CPED1: variants seen among roughly 807,000 people sequenced by gnomAD.
CPED1 encodes cadherin-like and PC-esterase domain-containing protein 1.
Under a neutral mutation model 128.2 loss-of-function variants are expected in CPED1, and 114 were observed. The ratio of observed to expected loss-of-function variants is 0.89; its 90% CI spans 0.76 to 1.04. CPED1 has a LOEUF of 1.04. Ranked by LOEUF, CPED1 falls within the 50% of genes least tolerant of loss-of-function variation. The pLI is 0.00. For missense variants in CPED1, 1,211 were observed against 1,207.1 expected (o/e 1.00, Z -0.05); for synonymous variants, 462 against 426.7 (o/e 1.08, Z -1.02).
In CPED1 at chr7:121,009,606, C is replaced by CAAA. The variant is rs372071345; in HGVS notation, c.250-6040_250-6038dup. On this transcript the variant is annotated intron_variant, in intron 2 of 22. Coordinates refer to ENST00000310396, the MANE Select transcript of CPED1 (RefSeq NM_024913.5). ...TGGGTGACAGAGCCAGCCCCTGTCTCAAAAAAAAAAAAAAAAAAAAAGTTC... is the reference window on the plus strand; with the variant it reads ...TGGGTGACAGAGCCAGCCCCTGTCTCAAAAAAAAAAAAAAAAAAAAAAAAGTTC... 9.3e-4 allele frequency among the ~76,000 whole-genome samples: 84 copies of CAAA among 90,410 alleles called. 2 individuals are homozygous for CAAA. Among genetic ancestry groups the CAAA allele is most frequent in the South Asian group, 2.8e-3 (7 of 2,478 alleles). The allele number at this position is 90,410 out of a possible 152,430, so 59.3% of individuals were successfully genotyped here.
At chr7:121,006,910 C>T (rs1266491783) in intron 2 of CPED1, among the ~76,000 whole-genome samples, 1 of 152,024 alleles carries the variant, frequency 6.6e-6, no homozygotes, top group Non-Finnish European at 1.5e-5. Flanking sequence ...TTAGGAGAAG[C>T]AGAAAAGGGA....
intron 16 of CPED1, among the ~76,000 whole-genome samples, chr7:121,203,654 T>C (rs6947494): frequency 0.61 from 92,516 of 151,936 alleles, 28,579 homozygotes; most frequent in East Asian, 0.88. Flanking sequence ...TCTGTCTTCA[T>C]GGTGCTGAGG....
At chr7:121,256,817 A>G (rs1174565166) in intron 18 of CPED1, among the ~76,000 whole-genome samples, 1 of 152,086 alleles carries the variant, frequency 6.6e-6, no homozygotes, top group Non-Finnish European at 1.5e-5. Context: ...GAATCAACCT[A>G]GGTGCCCTTC....
chr7:121,295,028 G>GGGTA (rs1792794799), intron 22 of CPED1, among the ~76,000 whole-genome samples: 1 of 151,960 alleles, frequency 6.6e-6, no homozygotes, highest in Non-Finnish European at 1.5e-5. Context: ...ATAGAAGAGT[G>GGGTA]CCATGACATG....
chr7:121,072,715 C>T (rs544866937), intron 5 of CPED1, among the ~76,000 whole-genome samples: 5 of 152,222 alleles, frequency 3.3e-5, no homozygotes, highest in South Asian at 2.1e-4. Context: ...AGAAGACACA[C>T]GGCAGTTCAC....
intron 2 of CPED1, 29 bp from the exon 3 acceptor site, chr7:121,015,636 T>C: frequency 1.3e-6 from 2 of 1,573,912 alleles, no homozygotes; most frequent in Non-Finnish European, 1.7e-6. Context: ...TACTTTTTTA[T>C]ATTGAATTTT....
At chr7:121,032,276 G>C (rs879630167) in intron 3 of CPED1, among the ~76,000 whole-genome samples, 2 of 152,100 alleles carry the variant, frequency 1.3e-5, no homozygotes, top group East Asian at 3.8e-4. Flanking sequence ...CAAATTTTTA[G>C]TAGTAAACAA....
At chr7:121,069,391 C>A (rs1333828926) in intron 5 of CPED1, among the ~76,000 whole-genome samples, 1 of 152,084 alleles carries the variant, frequency 6.6e-6, no homozygotes, top group Admixed American at 6.5e-5. Flanking sequence ...ATAGACTTGT[C>A]ACAGACTTTA....
rs745847193 is a variant in CPED1 at position 121,141,016 on chromosome 7, A to G, written c.1886+3A>G. The G allele has an allele frequency of 5.6e-6, 9 of 1,605,206 alleles. No individual in the cohort carries two copies. The highest frequency in any genetic ancestry group is 4.5e-5 in the South Asian group (4 of 89,428). On this transcript the variant is annotated splice_donor_region_variant and intron_variant, in intron 15 of 22. Transcript: ENST00000310396. Reference sequence around the variant, plus strand: ...CTGTACGAGCAGGCAGGGCCAAGGTATGAGATGTTGACTGGGGCTGTGTTG... The same window carrying G: ...CTGTACGAGCAGGCAGGGCCAAGGTGTGAGATGTTGACTGGGGCTGTGTTG...
intron 18 of CPED1, among the ~76,000 whole-genome samples, chr7:121,263,413 C>T (rs866024932): frequency 1.3e-4 from 20 of 152,078 alleles, no homozygotes; most frequent in African/African-American, 4.6e-4. Flanking sequence ...TTTGTGCTTA[C>T]ATTTTGTGCA....
At chr7:121,127,903 G>A (rs1171235212) in intron 10 of CPED1, among the ~76,000 whole-genome samples, 1 of 151,828 alleles carries the variant, frequency 6.6e-6, no homozygotes, top group East Asian at 1.9e-4. Context: ...AAGTTCAGAG[G>A]GTACATGTGC....
intron 12 of CPED1, 67 bp downstream of exon 12, chr7:121,130,361 G>C (rs1331606900): frequency 8.0e-6 from 11 of 1,376,334 alleles, no homozygotes; most frequent in Non-Finnish European, 1.1e-5. Context: ...GATTTCAAAA[G>C]GCTTTGCCTA....
chr7:121,109,606 A>G (rs752706065), intron 7 of CPED1, among the ~76,000 whole-genome samples: 14 of 152,184 alleles, frequency 9.2e-5, no homozygotes, highest in Non-Finnish European at 1.9e-4. Context: ...CCATAGCCTC[A>G]TCAATCTGTT....
chr7:121,195,454 TA>T (rs776592833), intron 16 of CPED1, among the ~76,000 whole-genome samples: 17 of 152,160 alleles, frequency 1.1e-4, no homozygotes, highest in Non-Finnish European at 2.1e-4. Context: ...AGCAAAAATT[TA>T]ATTTTAGAAA....
intron 5 of CPED1, among the ~76,000 whole-genome samples, chr7:121,068,658 A>C (rs1426687018): frequency 1.3e-5 from 2 of 149,736 alleles, no homozygotes; most frequent in African/African-American, 4.9e-5. Context: ...GAAGAAAGTC[A>C]TTGGTAGCTT....
chr7:121,175,515 G>A (rs1017398011), intron 16 of CPED1, among the ~76,000 whole-genome samples: 1 of 152,048 alleles, frequency 6.6e-6, no homozygotes, highest in Non-Finnish European at 1.5e-5. Context: ...GCATTTAAGT[G>A]TCTCATTACA....
chr7:121,096,914 T>C (rs986668096), intron 5 of CPED1, among the ~76,000 whole-genome samples: 2 of 152,160 alleles, frequency 1.3e-5, no homozygotes, highest in African/African-American at 2.4e-5. Flanking sequence ...GATACATTGA[T>C]ATTTATATTA....
intron 7 of CPED1, among the ~76,000 whole-genome samples, chr7:121,107,632 G>A (rs1048895058): frequency 6.6e-6 from 1 of 152,026 alleles, no homozygotes; most frequent in Non-Finnish European, 1.5e-5. Context: ...GGCAGTAATT[G>A]TCTCCAAAAA....
chr7:121,136,157 A>G (rs150176680), intron 14 of CPED1, 67 bp downstream of exon 14: 15,119 of 1,441,432 alleles, frequency 0.01, 118 homozygotes, highest in Non-Finnish European at 0.012. Flanking sequence ...CTTTGAAAAA[A>G]AATGCATCAT....
Sources: gnomAD v4.1 joint callset for allele counts (sites outside exome capture counted in the v4.1 genomes callset) on GRCh38, gnomAD v4.1.1 for gene constraint, MANE v1.5 for transcripts, NCBI Gene and HGNC (gene_info 2026-07-23, HGNC 2026-07-21) for gene names.